The following RPRD1A variants were observed in gnomAD, a reference collection of about 807,000 sequenced individuals.
The protein encoded by RPRD1A is regulation of nuclear pre-mRNA domain containing 1A, also known as regulation of nuclear pre-mRNA domain-containing protein 1A.
In RPRD1A, 9 loss-of-function variants were observed where a neutral mutation model predicts 37.8. The ratio of observed to expected loss-of-function variants is 0.24; its 90% confidence interval spans 0.14 to 0.42. RPRD1A has a LOEUF of 0.42. Ranked by LOEUF, RPRD1A falls within the 10% of genes least tolerant of loss-of-function variation. The pLI is 1.00. For missense variants in RPRD1A, 255 were observed against 371.0 expected, an observed-to-expected ratio of 0.69 and a Z score of 2.57; for synonymous variants, 138 against 139.7, an observed-to-expected ratio of 0.99 and a Z score of 0.08.
At chr18:36,015,405 G>A (rs978543368) in intron 6 of RPRD1A, among the ~76,000 whole-genome samples, 1 of 151,898 alleles carries the variant, frequency 6.6e-6, no homozygotes, top group Non-Finnish European at 1.5e-5. Flanking sequence ...TAGAAGCAGG[G>A]TTTCACCATG....
chr18:36,053,904 T>C (rs1049819349), intron 1 of RPRD1A, among the ~76,000 whole-genome samples: 2 of 151,566 alleles, frequency 1.3e-5, no homozygotes, highest in Non-Finnish European at 2.9e-5. Context: ...AAGGAAGGGG[T>C]TGAAACAATC....
At chr18:35,993,685 G>A (rs1218759078) in intron 6 of RPRD1A, among the ~76,000 whole-genome samples, 2 of 152,172 alleles carry the variant, frequency 1.3e-5, no homozygotes, top group Admixed American at 1.3e-4. Context: ...AGAGTCTGTG[G>A]TGTCTGAAGC....
intron 1 of RPRD1A, among the ~76,000 whole-genome samples, chr18:36,050,052 G>C (rs1471280648): frequency 1.3e-5 from 2 of 151,962 alleles, no homozygotes; most frequent in Non-Finnish European, 2.9e-5. Flanking sequence ...GATGTGCATA[G>C]AGACAGAAAA....
intron 6 of RPRD1A, among the ~76,000 whole-genome samples, chr18:36,009,195 C>T (rs546107351): frequency 6.6e-6 from 1 of 152,240 alleles, no homozygotes; most frequent in African/African-American, 2.4e-5. Context: ...CCTACTTGGG[C>T]CGTCAGTAGG....
intron 1 of RPRD1A, among the ~76,000 whole-genome samples, chr18:36,048,383 A>G (rs1333410131): frequency 2.0e-5 from 3 of 152,134 alleles, no homozygotes; most frequent in African/African-American, 7.2e-5. Flanking sequence ...AACATTCTTA[A>G]CAAAATATTA....
intron 1 of RPRD1A, among the ~76,000 whole-genome samples, chr18:36,045,525 C>A (rs749633728): frequency 6.6e-6 from 1 of 152,154 alleles, no homozygotes; most frequent in Non-Finnish European, 1.5e-5. Context: ...CTGATGCTGG[C>A]AGCCTGGGAA....
At chr18:36,049,603 T>C (rs1481385198) in intron 1 of RPRD1A, among the ~76,000 whole-genome samples, 2 of 152,248 alleles carry the variant, frequency 1.3e-5, no homozygotes, top group African/African-American at 4.8e-5. Flanking sequence ...CTTAGCATAA[T>C]GTTTTTGAGG....
At chr18:36,039,072 G>C (rs1912398106) in intron 1 of RPRD1A, among the ~76,000 whole-genome samples, 1 of 152,144 alleles carries the variant, frequency 6.6e-6, no homozygotes, top group Non-Finnish European at 1.5e-5. Context: ...AGGACTACTG[G>C]GAAAGCATGA....
intron 6 of RPRD1A, among the ~76,000 whole-genome samples, chr18:36,008,588 T>TATATATATATATATATATA (rs1304683314): frequency 1.5e-5 from 2 of 134,654 alleles, no homozygotes; most frequent in African/African-American, 5.7e-5. Context: ...TATATATATA[T>TATATATATATATATATATA]ATCTTTAAAA....
chr18:36,010,807 C>T (rs117815522), intron 6 of RPRD1A, among the ~76,000 whole-genome samples: 259 of 152,260 alleles, frequency 1.7e-3, no homozygotes, highest in Non-Finnish European at 2.8e-3. Context: ...ACTTTATTAC[C>T]TCCAGTTGAA....
intron 6 of RPRD1A, among the ~76,000 whole-genome samples, chr18:36,000,400 G>A (rs946347614): frequency 1.3e-5 from 2 of 152,076 alleles, no homozygotes; most frequent in Non-Finnish European, 1.5e-5. Flanking sequence ...ATCATCTAAC[G>A]AACTGTCTCA....
chr18:36,033,541 G>A (rs936693006), intron 2 of RPRD1A, among the ~76,000 whole-genome samples, 167 bp downstream of exon 2: 1 of 152,000 alleles, frequency 6.6e-6, no homozygotes, highest in African/African-American at 2.4e-5. Context: ...TTCAGAGAAG[G>A]CATTTAATAC....
intron 1 of RPRD1A, among the ~76,000 whole-genome samples, chr18:36,049,420 T>A (rs1383667057): frequency 6.7e-6 from 1 of 149,104 alleles, no homozygotes; most frequent in East Asian, 2.0e-4. Context: ...AACCTGCATA[T>A]AATTTTTGAC....
chr18:36,008,579 A>ATGTATGTATGTATG (rs1909950519), intron 6 of RPRD1A, among the ~76,000 whole-genome samples: 1 of 21,648 alleles, frequency 4.6e-5, no homozygotes, highest in African/African-American at 9.1e-5. Context: ...TTGTGTGTGT[A>ATGTATGTATGTATG]TATATATATA....
intron 6 of RPRD1A, among the ~76,000 whole-genome samples, chr18:35,997,543 C>T (rs936161888): frequency 9.2e-5 from 14 of 152,178 alleles, no homozygotes; most frequent in African/African-American, 3.1e-4. Flanking sequence ...GATTTAGCTA[C>T]ACGCTTTTAA....
chr18:36,023,333 T>C (rs1233058124), intron 6 of RPRD1A, among the ~76,000 whole-genome samples: 1 of 152,178 alleles, frequency 6.6e-6, no homozygotes, highest in Non-Finnish European at 1.5e-5. Context: ...AAGACTTCAG[T>C]GGTGAAAATA....
intron 1 of RPRD1A, among the ~76,000 whole-genome samples, chr18:36,051,237 A>C (rs918381378): frequency 6.6e-6 from 1 of 152,218 alleles, no homozygotes; most frequent in African/African-American, 2.4e-5. Flanking sequence ...ATAGCAAGTA[A>C]GGACAAAAAA....
chr18:36,013,436 A>G (rs1208206429), intron 6 of RPRD1A, among the ~76,000 whole-genome samples: 2 of 152,208 alleles, frequency 1.3e-5, no homozygotes. Flanking sequence ...ATAAACTGAG[A>G]AGCAAAAATA....
chr18:35,993,348 T>G, intron 6 of RPRD1A, 48 bp from the exon 7 acceptor site: 1 of 1,602,116 alleles, frequency 6.2e-7, no homozygotes, highest in Non-Finnish European at 8.5e-7. Flanking sequence ...TGAAAAAACT[T>G]CCTAGCTAAT....
Sources: gnomAD v4.1 joint callset for allele counts (sites outside exome capture counted in the v4.1 genomes callset) on GRCh38, gnomAD v4.1.1 for gene constraint, MANE v1.5 for transcripts, NCBI Gene and HGNC (gene_info 2026-07-23, HGNC 2026-07-21) for gene names.